Variants in ANO3 observed in about 807,000 individuals in gnomAD.
The protein encoded by ANO3 is anoctamin-3.
ANO3 carries 99 observed loss-of-function variants against 144.8 expected under a neutral mutation model. The ratio of observed to expected loss-of-function variants is 0.68; its 90% confidence interval spans 0.58 to 0.81. The LOEUF (loss-of-function observed/expected upper bound fraction) is 0.81, where lower values mean the gene tolerates loss of function less well. ANO3 is among the 30% of genes least tolerant of loss of function. The pLI, the probability that ANO3 is intolerant of heterozygous loss-of-function variation, is 0.00. For synonymous variants in ANO3, 414 were observed against 392.6 expected (o/e 1.05, Z -0.64); for missense variants, 905 against 1,202.2 (o/e 0.75, Z 3.66).
At chr11:26,637,779 C>CCTAA (rs113480447) in intron 20 of ANO3, among the ~76,000 whole-genome samples, 1 of 151,636 alleles carries the variant, frequency 6.6e-6, no homozygotes, top group Non-Finnish European at 1.5e-5. Context: ...CTCTTTGTGT[C>CCTAA]TTATTTGTTC....
At chr11:26,367,935 G>A (rs113749416) in intron 1 of ANO3, among the ~76,000 whole-genome samples, 2,496 of 152,128 alleles carry the variant, frequency 0.016, 62 homozygotes, top group African/African-American at 0.057. Context: ...CAGCACCAAG[G>A]GGATAGTGCT....
chr11:26,421,088 G>A (rs1369476028), intron 1 of ANO3, among the ~76,000 whole-genome samples: 5 of 151,930 alleles, frequency 3.3e-5, no homozygotes, highest in Non-Finnish European at 7.4e-5. Context: ...CATAAAATGG[G>A]GATGACAGAT....
intron 1 of ANO3, chr11:26,189,374 T>C (rs1293498129): frequency 1.2e-5 from 11 of 953,022 alleles, no homozygotes; most frequent in African/African-American, 1.8e-5. Context: ...TCTTAACTTA[T>C]GTTTGTACTT....
At chr11:26,366,540 C>T (rs1395707466) in intron 1 of ANO3, among the ~76,000 whole-genome samples, 1 of 152,210 alleles carries the variant, frequency 6.6e-6, no homozygotes, top group African/African-American at 2.4e-5. Flanking sequence ...TTCTAGATCC[C>T]TGAGGAATCG....
intron 14 of ANO3, among the ~76,000 whole-genome samples, chr11:26,582,977 A>C (rs528903866): frequency 8.5e-5 from 13 of 152,362 alleles, no homozygotes; most frequent in Non-Finnish European, 1.8e-4. Context: ...TATGAAAAAT[A>C]CATGGCAAAA....
intron 14 of ANO3, among the ~76,000 whole-genome samples, chr11:26,583,545 A>G (rs1490435032): frequency 6.6e-6 from 1 of 152,214 alleles, no homozygotes; most frequent in Non-Finnish European, 1.5e-5. Context: ...CTTCGTATCA[A>G]TTAGTCTACT....
At chr11:26,232,278 G>A (rs982148383) in intron 1 of ANO3, among the ~76,000 whole-genome samples, 3 of 152,138 alleles carry the variant, frequency 2.0e-5, no homozygotes, top group Non-Finnish European at 4.4e-5. Context: ...GTGAAAAGCT[G>A]GTGGTAGGAA....
In ANO3 at chr11:26,382,383, T is replaced by C. The variant is rs1048883348; in HGVS notation, c.46+50062T>C. On this transcript the variant is annotated intron_variant, in intron 1 of 26. Coordinates refer to ENST00000256737, the MANE Select transcript of ANO3 (RefSeq NM_031418.4). ...CCCAGTTTGCTGGGGTTTCTGGAGA[T>C]TAAAATTTAATCAGCAAGAGCATTC... Among the ~76,000 whole-genome samples, 3 of 152,244 alleles carry C rather than the reference T, an allele frequency of 2.0e-5. No individual in the cohort carries two copies. In the East Asian group the frequency reaches 5.8e-4, roughly 29 times the overall value.
chr11:26,211,216 C>T (rs1851925911), intron 1 of ANO3, among the ~76,000 whole-genome samples: 1 of 152,112 alleles, frequency 6.6e-6, no homozygotes, highest in Admixed American at 6.5e-5. Context: ...CTCAAAACTG[C>T]ACGACTACAT....
At chr11:26,466,710 A>T (rs1859614970) in intron 4 of ANO3, among the ~76,000 whole-genome samples, 1 of 151,976 alleles carries the variant, frequency 6.6e-6, no homozygotes, top group Non-Finnish European at 1.5e-5. Flanking sequence ...AGACCAGAAG[A>T]GCTACCCCGC....
intron 11 of ANO3, among the ~76,000 whole-genome samples, chr11:26,544,273 T>TATATATATATATACATATACAC: frequency 1.7e-5 from 1 of 58,544 alleles, no homozygotes; most frequent in Non-Finnish European, 3.6e-5. Flanking sequence ...TATATATATA[T>TATATATATATATACATATACAC]ACACACATAC....
chr11:26,318,745 G>GTA lies in ANO3; in HGVS notation c.-3+9028_-3+9029dup, dbSNP rs1419528512. ...TTCCAAAAAGAGGAAACAAAAGGAG[G>GTA]TATTTTGGATTATTTTTATGAGGCA... On this transcript the variant is annotated intron_variant, in intron 1 of 26. Coordinates refer to the ANO3 transcript ENST00000525139. Among the ~76,000 whole-genome samples, 3 of 152,174 alleles carry GTA rather than the reference G, an allele frequency of 2.0e-5. No individual in the cohort carries two copies. In the East Asian group the frequency reaches 5.8e-4, roughly 29 times the overall value.
intron 13 of ANO3, among the ~76,000 whole-genome samples, chr11:26,558,677 G>T (rs1438528590): frequency 6.6e-6 from 1 of 152,042 alleles, no homozygotes; most frequent in Admixed American, 6.6e-5. Context: ...TATCAATAAT[G>T]CCACATTATA....
intron 1 of ANO3, among the ~76,000 whole-genome samples, chr11:26,321,063 A>G (rs566908241): frequency 6.6e-6 from 1 of 151,902 alleles, no homozygotes; most frequent in African/African-American, 2.4e-5. Context: ...AATATATTTC[A>G]TTTGTTTTCT....
chr11:26,571,795 T>C (rs293970), intron 14 of ANO3, among the ~76,000 whole-genome samples: 141,390 of 152,128 alleles, frequency 0.93, 65,952 homozygotes, highest in East Asian at 0.98. Context: ...CTGCTGGTTC[T>C]GTAATCTAGC....
chr11:26,564,768 T>C (rs200002214), intron 14 of ANO3, among the ~76,000 whole-genome samples: 3 of 106,768 alleles, frequency 2.8e-5, no homozygotes, highest in Admixed American at 2.2e-4. Flanking sequence ...TATATATATA[T>C]ATATATATAT....
intron 17 of ANO3, among the ~76,000 whole-genome samples, chr11:26,612,665 T>A: frequency 6.6e-6 from 1 of 152,074 alleles, no homozygotes; most frequent in East Asian, 1.9e-4. Context: ...TTCTTTAGCA[T>A]TTCTTGTAAG....
At position 26,547,642 on chromosome 11, in the gene ANO3, G is replaced by A. The variant is rs1849821819; in HGVS notation, c.1289+92G>A. 4 of 1,206,740 alleles carry A rather than the reference G, an allele frequency of 3.3e-6. No homozygotes were observed. In the Admixed American group the frequency reaches 6.4e-5, roughly 19 times the overall value. The allele number at this position is 1,206,740 out of a possible 1,614,324, so 74.8% of individuals were successfully genotyped here. Reference sequence around the variant, plus strand: ...AATGCTGACTATAAAAAATCAAATGGTTGATGATACTACAATTTAATTTAT... The same window carrying A: ...AATGCTGACTATAAAAAATCAAATGATTGATGATACTACAATTTAATTTAT... On this transcript the variant is annotated intron_variant, in intron 12 of 26. Transcript: ENST00000256737.
chr11:26,453,574 A>G (rs1859031150), intron 3 of ANO3, among the ~76,000 whole-genome samples: 3 of 152,108 alleles, frequency 2.0e-5, no homozygotes, highest in African/African-American at 7.2e-5. Flanking sequence ...ACCCAGATTC[A>G]TAAAGCAAGT....
Sources: allele counts gnomAD v4.1 joint callset (sites outside exome capture counted in the v4.1 genomes callset), GRCh38; gene constraint gnomAD v4.1.1; transcripts MANE v1.5; gene names NCBI Gene and HGNC (gene_info 2026-07-23, HGNC 2026-07-21).